The following PHACTR1 variants were observed in gnomAD, a reference collection of about 807,000 sequenced individuals.
PHACTR1 encodes the protein RPEL repeat containing 1.
In PHACTR1, 16 loss-of-function variants were observed where a neutral mutation model predicts 69.2. That is an observed-to-expected ratio of 0.23 (90% CI 0.16 to 0.35). PHACTR1 has a LOEUF of 0.35. Ranked by LOEUF, PHACTR1 falls within the 10% of genes least tolerant of loss-of-function variation. PHACTR1 has a pLI of 1.00. For missense variants in PHACTR1, 510 were observed against 734.7 expected (o/e 0.69, Z 3.54); for synonymous variants, 312 against 284.5 (o/e 1.10, Z -0.97).
At chr6:12,933,988 A>G (rs1789169663) in intron 4 of PHACTR1, 4 of 1,523,754 alleles carry the variant, frequency 2.6e-6, no homozygotes, top group African/African-American at 2.7e-5. Context: ...ACCACAAACT[A>G]CATGACATAA....
rs1249369300 is a variant in PHACTR1 at position 12,973,654 on chromosome 6, A to G, written c.251-79711A>G. Among the ~76,000 whole-genome samples the G allele has an allele frequency of 4.6e-5, 7 of 152,272 alleles. 1 individual carries two copies. The highest frequency in any genetic ancestry group is 4.1e-4 in the South Asian group (2 of 4,828). On this transcript the variant is annotated intron_variant, in intron 4 of 14. Coordinates refer to ENST00000332995, the MANE Select transcript of PHACTR1 (RefSeq NM_030948.6). ...GTTTTTTAAAGGATCCGTGTTATCT[A>G]TTTTGCTCTAGGGTTGCTCACTTAC... is the stretch of plus-strand genomic sequence containing the variant.
At chr6:13,081,028 G>A (rs1561801774) in intron 5 of PHACTR1, among the ~76,000 whole-genome samples, 1 of 152,096 alleles carries the variant, frequency 6.6e-6, no homozygotes, top group Non-Finnish European at 1.5e-5. Context: ...AATAACCAAT[G>A]GATTATTTTC....
intron 8 of PHACTR1, among the ~76,000 whole-genome samples, chr6:13,219,259 T>C (rs368203438): frequency 1.3e-5 from 2 of 152,204 alleles, no homozygotes; most frequent in African/African-American, 4.8e-5. Context: ...TGTTCATTAT[T>C]TTCTGTTCAT....
At chr6:12,926,193 A>G (rs1016860786) in intron 4 of PHACTR1, among the ~76,000 whole-genome samples, 8 of 152,056 alleles carry the variant, frequency 5.3e-5, no homozygotes, top group African/African-American at 1.9e-4. Flanking sequence ...TTCCTCGTCT[A>G]GAATTATGGC....
At chr6:13,102,467 T>A (rs1325041342) in intron 5 of PHACTR1, among the ~76,000 whole-genome samples, 1 of 152,168 alleles carries the variant, frequency 6.6e-6, no homozygotes, top group Non-Finnish European at 1.5e-5. Context: ...CCACAGTAGG[T>A]TTTATAATTA....
At position 13,227,963 on chromosome 6, in the gene PHACTR1, T is replaced by C. The variant is rs371583810; in HGVS notation, c.1134T>C (p.Asn378=). 157 of 1,613,754 alleles carry C rather than the reference T, an allele frequency of 9.7e-5. No individual in the cohort carries two copies. The Middle Eastern group carries it at 2.0e-3, about 20-fold the overall frequency. The stretch of plus-strand genomic sequence containing the variant: ...TTGAATGTGATGACAATAAAGAAAA[T>C]GTGCCTCATGAGTCAGACTACGAAG... ...VVIECDDNKE[N]VPHESDYEDS... is the part of the protein sequence containing the mutation. The change falls in exon 9 of 15, where the codon AAT becomes AAC. Residue 378 remains asparagine, a synonymous_variant. Transcript: ENST00000332995.
intron 5 of PHACTR1, among the ~76,000 whole-genome samples, chr6:13,064,668 A>G (rs1808346147): frequency 7.3e-6 from 1 of 136,266 alleles, no homozygotes; most frequent in Admixed American, 7.6e-5. Flanking sequence ...CCGGGAAGCA[A>G]CAGCCTGGGC....
At chr6:12,851,440 C>T (rs1188406188) in intron 4 of PHACTR1, among the ~76,000 whole-genome samples, 1 of 152,292 alleles carries the variant, frequency 6.6e-6, no homozygotes, top group East Asian at 1.9e-4. Context: ...CAGATTTTGC[C>T]TTTCAATCAG....
intron 4 of PHACTR1, among the ~76,000 whole-genome samples, chr6:12,830,722 T>C (rs1777468947): frequency 6.6e-6 from 1 of 151,994 alleles, no homozygotes; most frequent in Non-Finnish European, 1.5e-5. Context: ...CCTGAGTAGC[T>C]GGGATTACAG....
At chr6:13,231,748 A>G (rs12660341) in intron 10 of PHACTR1, among the ~76,000 whole-genome samples, 18,161 of 152,260 alleles carry the variant, frequency 0.12, 1,529 homozygotes, top group Admixed American at 0.24. Context: ...GGGCATGTTT[A>G]TGTGACATTA....
intron 8 of PHACTR1, among the ~76,000 whole-genome samples, chr6:13,215,429 G>A (rs966491352): frequency 6.6e-6 from 1 of 152,212 alleles, no homozygotes; most frequent in Non-Finnish European, 1.5e-5. Flanking sequence ...AGGAGAATGG[G>A]AATGAGAGAA....
intron 4 of PHACTR1, among the ~76,000 whole-genome samples, chr6:12,980,207 A>C (rs777866583): frequency 3.9e-5 from 6 of 152,188 alleles, no homozygotes; most frequent in Non-Finnish European, 7.4e-5. Context: ...AAAAAGAAGC[A>C]TGGAGTATGT....
intron 4 of PHACTR1, among the ~76,000 whole-genome samples, chr6:13,010,150 G>A (rs1012583890): frequency 5.3e-5 from 8 of 151,334 alleles, no homozygotes; most frequent in East Asian, 1.9e-4. Context: ...TTTTTGAGAC[G>A]GTGTTTTGCT....
At chr6:12,755,991 T>C (rs867114085) in intron 4 of PHACTR1, among the ~76,000 whole-genome samples, 56 of 152,180 alleles carry the variant, frequency 3.7e-4, no homozygotes, top group African/African-American at 1.3e-3. Context: ...CCCTTTTTCT[T>C]CACGTGCATA....
At chr6:12,762,360 T>C (rs974191811) in intron 4 of PHACTR1, among the ~76,000 whole-genome samples, 2 of 152,240 alleles carry the variant, frequency 1.3e-5, no homozygotes, top group African/African-American at 4.8e-5. Flanking sequence ...TTTTGGTTAG[T>C]CACTGCTTCT....
At chr6:12,750,051 C>T (rs1766396738) in intron 4 of PHACTR1, among the ~76,000 whole-genome samples, 1 of 152,166 alleles carries the variant, frequency 6.6e-6, no homozygotes, top group Admixed American at 6.5e-5. Context: ...TGTCAGTGAC[C>T]ACAGTGATCC....
intron 4 of PHACTR1, among the ~76,000 whole-genome samples, chr6:12,939,736 G>C (rs528512300): frequency 6.6e-6 from 1 of 152,046 alleles, no homozygotes; most frequent in East Asian, 1.9e-4. Flanking sequence ...TGCCCCACTA[G>C]TCACTGGCAG....
chr6:12,949,041 C>T (rs1189060255), intron 4 of PHACTR1, among the ~76,000 whole-genome samples: 8 of 152,022 alleles, frequency 5.3e-5, no homozygotes, highest in Admixed American at 3.3e-4. Context: ...GAGGCCGAGG[C>T]GGGCAGATCA....
chr6:13,077,779 A>C (rs1338940376), intron 5 of PHACTR1, among the ~76,000 whole-genome samples: 2 of 152,098 alleles, frequency 1.3e-5, no homozygotes, highest in African/African-American at 2.4e-5. Flanking sequence ...AGCCAGCATG[A>C]GGTGGTGGCA....
Sources: gnomAD v4.1 joint callset for allele counts (sites outside exome capture counted in the v4.1 genomes callset) on GRCh38, gnomAD v4.1.1 for gene constraint, MANE v1.5 for transcripts, NCBI Gene and HGNC (gene_info 2026-07-23, HGNC 2026-07-21) for gene names.